ARSJ: variants seen among roughly 807,000 people sequenced by gnomAD.
The protein encoded by ARSJ is arylsulfatase family member J, also known as arylsulfatase J.
ARSJ carries 26 observed loss-of-function variants against 35.9 expected under a neutral mutation model. The ratio of observed to expected loss-of-function variants is 0.72; its 90% CI spans 0.53 to 1.00. The LOEUF is 1.00. Ranked by LOEUF, ARSJ falls within the 50% of genes least tolerant of loss-of-function variation. The pLI, the probability that ARSJ is intolerant of heterozygous loss-of-function variation, is 0.00. For missense variants in ARSJ, 667 were observed against 723.6 expected (o/e 0.92, Z 0.90); for synonymous variants, 294 against 267.6 (o/e 1.10, Z -0.96).
At chr4:113,910,415 AG>A (rs2099670102) in intron 1 of ARSJ, among the ~76,000 whole-genome samples, 1 of 152,210 alleles carries the variant, frequency 6.6e-6, no homozygotes, top group African/African-American at 2.4e-5. Flanking sequence ...TTTAAAGTCC[AG>A]AATGGTTAGC....
intron 1 of ARSJ, among the ~76,000 whole-genome samples, chr4:113,904,659 G>A (rs932276362): frequency 3.3e-5 from 5 of 152,036 alleles, no homozygotes; most frequent in Non-Finnish European, 5.9e-5. Flanking sequence ...TAATTTTTTT[G>A]TATTTTTTTA....
rs772031727 is a variant in ARSJ, at chr4:113,978,530, G to C, written c.305C>G (p.Thr102Ser). 3 of 1,614,094 alleles carry C rather than the reference G, an allele frequency of 1.9e-6. No individual in the cohort carries two copies. Among genetic ancestry groups the C allele is most frequent in the Non-Finnish European group, 1.7e-6 (2 of 1,180,002 alleles). Residue 102 changes from threonine to serine, a missense_variant, in exon 1 of 2, where the codon ACT (threonine) becomes AGT (serine). Thr to Ser is a moderately conservative substitution (Grantham distance 58). Coordinates refer to ENST00000315366, the MANE Select transcript of ARSJ (RefSeq NM_024590.4). ...TCCTTCGGCAGCGAGCTTGTCAAGA[G>C]TAGGTGTTTTAATCTCAGATCCGTG... ...GYHGSEIKTP[T>S]LDKLAAEGVK... is the part of the protein sequence containing the mutation.
chr4:113,922,604 C>T (rs1723754731), intron 1 of ARSJ, among the ~76,000 whole-genome samples: 1 of 152,100 alleles, frequency 6.6e-6, no homozygotes, highest in South Asian at 2.1e-4. Flanking sequence ...CATGCTTTTA[C>T]TTATACATTA....
At chr4:113,974,717 T>C (rs1189672990) in intron 1 of ARSJ, among the ~76,000 whole-genome samples, 1 of 152,184 alleles carries the variant, frequency 6.6e-6, no homozygotes, top group African/African-American at 2.4e-5. Flanking sequence ...ATACAGTTAC[T>C]GGTGAGAGTA....
intron 1 of ARSJ, among the ~76,000 whole-genome samples, chr4:113,909,628 TGAA>T (rs981876290): frequency 7.2e-5 from 11 of 152,336 alleles, no homozygotes; most frequent in South Asian, 4.1e-4. Flanking sequence ...TACCGCCATG[TGAA>T]GAAGGATGTG....
chr4:113,918,656 T>G (rs1345887073), intron 1 of ARSJ, among the ~76,000 whole-genome samples: 1 of 152,188 alleles, frequency 6.6e-6, no homozygotes, highest in Non-Finnish European at 1.5e-5. Flanking sequence ...TTCTTTAAAT[T>G]TCAAAAATCT....
At chr4:113,913,292 T>C (rs1374102431) in intron 1 of ARSJ, among the ~76,000 whole-genome samples, 1 of 152,210 alleles carries the variant, frequency 6.6e-6, no homozygotes, top group Non-Finnish European at 1.5e-5. Context: ...TTTTTCTACA[T>C]TGATTACAAT....
chr4:113,953,884 T>C (rs1437494893), intron 1 of ARSJ, among the ~76,000 whole-genome samples: 1 of 152,060 alleles, frequency 6.6e-6, no homozygotes, highest in Non-Finnish European at 1.5e-5. Flanking sequence ...ATAAGGTCCC[T>C]GATTTCAAGG....
Position 113,922,778 on chromosome 4 carries a change from C to A in ARSJ, c.399-19103G>T, listed in dbSNP as rs557710466. ...CAATTTTCTTAGTATAAGTCAGATTCTTTCCAGTGTACTCCATGGAACAGT... is the reference window on the plus strand; with the variant it reads ...CAATTTTCTTAGTATAAGTCAGATTATTTCCAGTGTACTCCATGGAACAGT... On this transcript the variant is annotated intron_variant, in intron 1 of 1. Transcript: ENST00000315366. Among the ~76,000 whole-genome samples the A allele has an allele frequency of 5.3e-5, 8 of 152,262 alleles. No individual in the cohort carries two copies. The East Asian group carries it at 1.2e-3, about 22-fold the overall frequency.
intron 1 of ARSJ, among the ~76,000 whole-genome samples, chr4:113,973,774 G>A (rs1470226070): frequency 6.6e-6 from 1 of 152,064 alleles, no homozygotes; most frequent in African/African-American, 2.4e-5. Flanking sequence ...CAAGCTATTT[G>A]CATCTGTACA....
At chr4:113,954,650 T>G (rs1190399588) in intron 1 of ARSJ, among the ~76,000 whole-genome samples, 1 of 152,088 alleles carries the variant, frequency 6.6e-6, no homozygotes, top group Non-Finnish European at 1.5e-5. Flanking sequence ...GGCATTTTTT[T>G]GATGCACAAG....
rs749673314 is a variant in ARSJ, at chr4:113,902,267, T to C, written c.*7A>G. The C allele has an allele frequency of 1.9e-6, 3 of 1,607,886 alleles. No homozygotes were observed. The South Asian group carries it at 3.3e-5, about 18-fold the overall frequency. On this transcript the variant is annotated 3_prime_UTR_variant, in exon 2 of 2. Coordinates refer to ENST00000315366, the MANE Select transcript of ARSJ (RefSeq NM_024590.4). ...TTAAAGTTTAACCAAACAGGAAATA[T>C]TTGTGCTTATCCACAAGTAACACCT...
At chr4:113,934,520 G>A (rs76973817) in intron 1 of ARSJ, among the ~76,000 whole-genome samples, 8,655 of 151,656 alleles carry the variant, frequency 0.057, 326 homozygotes, top group East Asian at 0.12. Flanking sequence ...CTCATATATG[G>A]GAGCTAAAAA....
In ARSJ at chr4:113,902,432, C is replaced by T; in HGVS notation, c.1642G>A (p.Gly548Arg). 1.2e-6 allele frequency: 2 copies of T among 1,614,016 alleles called. No individual in the cohort carries two copies. Among genetic ancestry groups the T allele is most frequent in the Non-Finnish European group, 8.5e-7 (1 of 1,180,010 alleles). The change falls in exon 2 of 2, where the codon GGA becomes AGA. Residue 548 changes from glycine (G) to arginine (R), a missense_variant. Gly to Arg is a moderately radical substitution (Grantham distance 125). Transcript: ENST00000315366. ...TTATACCATGGTCCCCAGACCCCTCCATTGAGCCTAGGGTTACTTCTGGGG... is the reference window on the plus strand; with the variant it reads ...TTATACCATGGTCCCCAGACCCCTCTATTGAGCCTAGGGTTACTTCTGGGG... ...KDPRSNPRLN[G>R]GVWGPWYKEE...
chr4:113,951,075 G>A (rs1203890936), intron 1 of ARSJ, among the ~76,000 whole-genome samples: 2 of 152,066 alleles, frequency 1.3e-5, no homozygotes, highest in Non-Finnish European at 2.9e-5. Flanking sequence ...GAAGGCATTA[G>A]AAACCCAGGG....
chr4:113,975,263 A>G (rs1445342265), intron 1 of ARSJ, among the ~76,000 whole-genome samples: 1 of 152,190 alleles, frequency 6.6e-6, no homozygotes. Flanking sequence ...AGTGATCATC[A>G]TGGTATTTCA....
intron 1 of ARSJ, among the ~76,000 whole-genome samples, chr4:113,911,324 C>T (rs1032956527): frequency 1.3e-5 from 2 of 152,084 alleles, no homozygotes; most frequent in Admixed American, 1.3e-4. Flanking sequence ...GGTTTTCTTA[C>T]TTAATGTGAA....
intron 1 of ARSJ, among the ~76,000 whole-genome samples, chr4:113,952,012 C>T (rs892330360): frequency 6.6e-6 from 1 of 151,968 alleles, no homozygotes; most frequent in Non-Finnish European, 1.5e-5. Context: ...TGAGACATAG[C>T]ATATGTATAA....
intron 1 of ARSJ, among the ~76,000 whole-genome samples, chr4:113,911,041 A>G (rs2099670291): frequency 6.6e-6 from 1 of 152,150 alleles, no homozygotes; most frequent in East Asian, 1.9e-4. Context: ...AACGACTTGG[A>G]CAAAAGAGCA....
Sources: allele counts gnomAD v4.1 joint callset (sites outside exome capture counted in the v4.1 genomes callset), GRCh38; gene constraint gnomAD v4.1.1; transcripts MANE v1.5; gene names NCBI Gene and HGNC (gene_info 2026-07-23, HGNC 2026-07-21).